SDK1: variants seen among roughly 807,000 people sequenced by gnomAD.
SDK1 encodes the protein sidekick cell adhesion molecule 1.
SDK1 carries 157 observed loss-of-function variants against 245.5 expected under a neutral mutation model. The ratio of observed to expected loss-of-function variants is 0.64; its 90% confidence interval spans 0.56 to 0.73. SDK1 has a LOEUF of 0.73. SDK1 is among the 30% of genes least tolerant of loss of function. The pLI, the probability that SDK1 is intolerant of heterozygous loss-of-function variation, is 0.00. For missense variants in SDK1, 3,583 were observed against 3,002.3 expected, an observed-to-expected ratio of 1.19 and a Z score of -4.52; for synonymous variants, 1,647 against 1,278.5, an observed-to-expected ratio of 1.29 and a Z score of -6.15.
At chr7:4,227,384 TG>T (rs1392460556) in intron 40 of SDK1, 3 of 471,148 alleles carry the variant, frequency 6.4e-6, no homozygotes, top group African/African-American at 2.0e-5. Context: ...TAACATGCAA[TG>T]CATTTTGCCT....
chr7:3,598,132 G>C (rs1014602269), intron 1 of SDK1, among the ~76,000 whole-genome samples: 1 of 152,156 alleles, frequency 6.6e-6, no homozygotes, highest in Non-Finnish European at 1.5e-5. Flanking sequence ...GCCACTTATA[G>C]TTTCTGATGT....
chr7:4,115,947 C>T (rs773229017), intron 25 of SDK1, among the ~76,000 whole-genome samples: 17 of 152,156 alleles, frequency 1.1e-4, no homozygotes, highest in Admixed American at 2.6e-4. Flanking sequence ...GAGAAAACCT[C>T]GCACAGTCAG....
At chr7:3,454,555 C>G (rs1191132944) in intron 1 of SDK1, among the ~76,000 whole-genome samples, 1 of 152,106 alleles carries the variant, frequency 6.6e-6, no homozygotes, top group South Asian at 2.1e-4. Flanking sequence ...TTCCCAATCT[C>G]TGATCAGCTG....
Position 4,026,030 on chromosome 7 carries a change from A to G in SDK1, c.2602+8678A>G, listed in dbSNP as rs1787317891. Among the ~76,000 whole-genome samples, 1 of 152,192 alleles carries G rather than the reference A, an allele frequency of 6.6e-6. No homozygotes were observed. The highest frequency in any genetic ancestry group is 1.5e-5 in the Non-Finnish European group (1 of 68,032). ...TGCAGCCCAGAAGGCGCATGGGGAA[A>G]TTAGGTCCACGAACGCGTCCCCAGC... On this transcript the variant is annotated intron_variant, in intron 17 of 44. Coordinates refer to ENST00000404826, the MANE Select transcript of SDK1 (RefSeq NM_152744.4). The surrounding 1 kb of genome is among the most constrained non-coding windows in gnomAD (Gnocchi z 4.1).
rs1012962308 is a variant in SDK1 at position 3,658,124 on chromosome 7, C to T, written c.713+16019C>T. Among the ~76,000 whole-genome samples, 8 of 152,146 alleles carry T rather than the reference C, an allele frequency of 5.3e-5. No homozygotes were observed. The East Asian group carries it at 1.2e-3, about 22-fold the overall frequency. On this transcript the variant is annotated intron_variant, in intron 4 of 44. Coordinates refer to ENST00000404826, the MANE Select transcript of SDK1 (RefSeq NM_152744.4). ...GCAGGTGATAACACCCTGGCTTGCC[C>T]GCCTCACAGGACTTTTACTTTGGTG...
At chr7:4,134,355 C>T (rs977045654) in intron 28 of SDK1, among the ~76,000 whole-genome samples, 1 of 152,136 alleles carries the variant, frequency 6.6e-6, no homozygotes, top group Non-Finnish European at 1.5e-5. Context: ...CCTGGCCCGG[C>T]GGAGAGGGAG....
intron 4 of SDK1, among the ~76,000 whole-genome samples, chr7:3,704,048 TC>T (rs1176178280): frequency 2.0e-5 from 3 of 152,118 alleles, no homozygotes; most frequent in African/African-American, 7.2e-5. Context: ...TTTTTCTTCC[TC>T]CCCTTTCTGA....
chr7:3,458,645 G>C (rs1441365072), intron 1 of SDK1, among the ~76,000 whole-genome samples: 1 of 152,038 alleles, frequency 6.6e-6, no homozygotes, highest in South Asian at 2.1e-4. Context: ...CAGAGTAGGA[G>C]GTAGATAGAG....
intron 22 of SDK1, among the ~76,000 whole-genome samples, chr7:4,102,716 T>C (rs1434212427): frequency 6.6e-6 from 1 of 151,896 alleles, no homozygotes. Flanking sequence ...AGAGGCCGGA[T>C]CTCATGTGCA....
chr7:3,547,737 A>G (rs1405164206), intron 1 of SDK1, among the ~76,000 whole-genome samples: 2 of 152,162 alleles, frequency 1.3e-5, no homozygotes, highest in African/African-American at 2.4e-5. Context: ...TACCTTTTCT[A>G]AAGGAAGCAA....
At chr7:3,419,708 A>G (rs1779484908) in intron 1 of SDK1, among the ~76,000 whole-genome samples, 1 of 152,198 alleles carries the variant, frequency 6.6e-6, no homozygotes, top group African/African-American at 2.4e-5. Flanking sequence ...CCTTTGGAAC[A>G]TAATCTGTTT....
intron 1 of SDK1, among the ~76,000 whole-genome samples, chr7:3,419,103 A>G (rs1779464086): frequency 6.6e-6 from 1 of 152,232 alleles, no homozygotes. Context: ...ATTGAAATGC[A>G]TTTGAGCTGC....
At chr7:3,593,408 G>A (rs1177671125) in intron 1 of SDK1, among the ~76,000 whole-genome samples, 9 of 152,100 alleles carry the variant, frequency 5.9e-5, no homozygotes, top group African/African-American at 1.7e-4. Flanking sequence ...CAGCTGCCCC[G>A]TTCTCCAAAC....
intron 22 of SDK1, among the ~76,000 whole-genome samples, chr7:4,100,751 C>T (rs193019508): frequency 1.3e-5 from 2 of 152,196 alleles, no homozygotes; most frequent in East Asian, 3.9e-4. Context: ...TCACAGTCGC[C>T]TAGTGGGGAA....
chr7:3,890,438 CATT>C (rs991211444), intron 5 of SDK1, among the ~76,000 whole-genome samples: 6 of 152,152 alleles, frequency 3.9e-5, no homozygotes, highest in South Asian at 2.1e-4. Context: ...TAAACAACAT[CATT>C]AAGCTTGTTT....
chr7:3,675,953 A>G (rs1464625041), intron 4 of SDK1, among the ~76,000 whole-genome samples: 2 of 152,148 alleles, frequency 1.3e-5, no homozygotes, highest in African/African-American at 4.8e-5. Flanking sequence ...CATTTGTTGA[A>G]TGCATAGTTC....
At chr7:3,444,910 G>C (rs1780301010) in intron 1 of SDK1, among the ~76,000 whole-genome samples, 1 of 152,158 alleles carries the variant, frequency 6.6e-6, no homozygotes. Flanking sequence ...ATGTGATGTA[G>C]AGTAATAAGA....
At chr7:3,872,461 A>C (rs1007500929) in intron 5 of SDK1, among the ~76,000 whole-genome samples, 2 of 152,056 alleles carry the variant, frequency 1.3e-5, no homozygotes, top group Non-Finnish European at 2.9e-5. Context: ...TTGTTAATAC[A>C]TATAAGACTA....
intron 1 of SDK1, among the ~76,000 whole-genome samples, chr7:3,359,028 A>G (rs1426062726): frequency 6.6e-6 from 1 of 152,082 alleles, no homozygotes; most frequent in Non-Finnish European, 1.5e-5. Flanking sequence ...TGGTTTCCTC[A>G]GGGATTGTTT....
Sources: gnomAD v4.1 joint callset for allele counts (sites outside exome capture counted in the v4.1 genomes callset) on GRCh38, gnomAD v4.1.1 for gene constraint, Gnocchi (gnomAD v3.1) non-coding constraint, MANE v1.5 for transcripts, NCBI Gene and HGNC (gene_info 2026-07-23, HGNC 2026-07-21) for gene names.